TEX11: variants seen among roughly 807,000 people sequenced by gnomAD.
TEX11 encodes the protein testis-expressed protein 11.
In TEX11, 7 loss-of-function variants were observed where a neutral mutation model predicts 84.4. That is an observed-to-expected ratio of 0.08 (90% CI 0.05 to 0.16). The LOEUF (loss-of-function observed/expected upper bound fraction) is 0.16, where lower values mean the gene tolerates loss of function less well. Ranked by LOEUF, TEX11 falls within the 10% of genes least tolerant of loss-of-function variation. The pLI is 1.00. For synonymous variants in TEX11, 264 were observed against 222.8 expected, an observed-to-expected ratio of 1.18 and a Z score of -1.64; for missense variants, 551 against 660.5, an observed-to-expected ratio of 0.83 and a Z score of 1.82.
At chrX:70,839,116 C>T (rs2091424967) in intron 7 of TEX11, among the ~76,000 whole-genome samples, 1 of 112,407 alleles carries the variant, frequency 8.9e-6, no homozygotes, top group South Asian at 3.7e-4. Flanking sequence ...ACTTAAATGT[C>T]CCTCTCTGAC....
At chrX:70,839,837 T>C (rs2091431048) in intron 7 of TEX11, among the ~76,000 whole-genome samples, 1 of 111,506 alleles carries the variant, frequency 9.0e-6, no homozygotes, top group African/African-American at 3.3e-5. Context: ...AGCTACGTGA[T>C]GAACGCAGAA....
At chrX:70,800,069 CAATT>C (rs10609072) in intron 9 of TEX11, among the ~76,000 whole-genome samples, 8,392 of 110,523 alleles carry the variant, frequency 0.076, 495 homozygotes, top group Admixed American at 0.27. Context: ...GGATGTTACT[CAATT>C]AATTAATATA....
At chrX:70,844,727 C>T (rs1383610282) in intron 7 of TEX11, among the ~76,000 whole-genome samples, 1 of 111,304 alleles carries the variant, frequency 9.0e-6, no homozygotes, top group East Asian at 2.8e-4. Context: ...CGAGACCGGC[C>T]TGGCCAACAT....
At chrX:70,640,658 C>A (rs1237646140) in intron 17 of TEX11, among the ~76,000 whole-genome samples, 2 of 108,041 alleles carry the variant, frequency 1.9e-5, no homozygotes, top group Non-Finnish European at 3.8e-5. Flanking sequence ...AATTTCATAT[C>A]CAGCCAAACT....
chrX:70,552,397 G>C, intron 27 of TEX11, 151 bp from the exon 28 acceptor site: 1 of 658,997 alleles, frequency 1.5e-6, no homozygotes, highest in Middle Eastern at 4.7e-4. Flanking sequence ...AACCTCAGAA[G>C]ACAGATTTTT....
chrX:70,694,275 C>A (rs4844250), intron 13 of TEX11, among the ~76,000 whole-genome samples: 33,180 of 110,152 alleles, frequency 0.3, 3,909 homozygotes, highest in Admixed American at 0.41. Flanking sequence ...AACCTCTTGA[C>A]CTCGTGATCT....
rs1312691319 is a variant in TEX11 at position 70,538,971 on chromosome X, C to A, written c.2521-8972G>T. Among the ~76,000 whole-genome samples, 2 of 99,058 alleles carry A rather than the reference C, an allele frequency of 2.0e-5. 1 individual carries two copies. The highest frequency in any genetic ancestry group is 2.4e-4 in the Admixed American group (2 of 8,217). The allele number at this position is 99,058 out of a possible 115,157, so 86.0% of individuals were successfully genotyped here. On this transcript the variant is annotated intron_variant, in intron 28 of 29. Transcript: ENST00000374333. ...AAGGCCAAACAAGAGACAAAAGATA[C>A]TGATAAATGACCTTCTCAAACTTTA...
chrX:70,792,081 C>A (rs188715985), intron 9 of TEX11, among the ~76,000 whole-genome samples: 6,582 of 95,755 alleles, frequency 0.069, 233 homozygotes, highest in East Asian at 0.13. Flanking sequence ...GCCGAGATTG[C>A]GCCATTGCAC....
At chrX:70,640,671 G>T (rs756358650) in intron 17 of TEX11, among the ~76,000 whole-genome samples, 77 of 108,141 alleles carry the variant, frequency 7.1e-4, no homozygotes, top group Non-Finnish European at 1.3e-3. Context: ...GCCAAACTAA[G>T]CTTCATAAGT....
chrX:70,872,930 T>C (rs2091636828), intron 4 of TEX11, among the ~76,000 whole-genome samples: 1 of 111,849 alleles, frequency 8.9e-6, no homozygotes, highest in African/African-American at 3.2e-5. Flanking sequence ...CCTTTAACAT[T>C]TCTTTAAGTT....
chrX:70,624,723 T>A, intron 19 of TEX11, 116 bp downstream of exon 19: 1 of 515,733 alleles, frequency 1.9e-6, no homozygotes, highest in Admixed American at 4.3e-5. Context: ...CCTCCTCTGC[T>A]TCGCTATTTT....
the TEX11 span, among the ~76,000 whole-genome samples, chrX:70,512,904 G>C: frequency 1.8e-5 from 2 of 109,113 alleles, 1 homozygote; most frequent in Non-Finnish European, 3.8e-5. Context: ...TCTTATTCTA[G>C]CAGTTGTCCC....
At chrX:70,740,880 A>G in intron 10 of TEX11, 84 bp from the exon 11 acceptor site, 1 of 550,257 alleles carries the variant, frequency 1.8e-6, no homozygotes, top group Non-Finnish European at 2.8e-6. Context: ...CCACAGTGAC[A>G]GGCATCTTCT....
chrX:70,842,218 T>C (rs779442421), intron 7 of TEX11, among the ~76,000 whole-genome samples: 1 of 111,750 alleles, frequency 8.9e-6, no homozygotes, highest in South Asian at 3.8e-4. Context: ...TGAACATTGA[T>C]GCAAAAATCC....
intron 3 of TEX11, among the ~76,000 whole-genome samples, chrX:70,873,821 TC>T (rs1316605877): frequency 8.9e-6 from 1 of 112,388 alleles, no homozygotes; most frequent in Non-Finnish European, 1.9e-5. Context: ...ATGCCACTTT[TC>T]TCACTTACCA....
chrX:70,639,015 C>G (rs1046165939), intron 17 of TEX11, among the ~76,000 whole-genome samples: 1 of 110,263 alleles, frequency 9.1e-6, no homozygotes, highest in Non-Finnish European at 1.9e-5. Flanking sequence ...GTTCATCTGA[C>G]TAGGGAGTGC....
At position 70,881,131 on chromosome X, in the gene TEX11, C is replaced by A. The variant is rs966058795; in HGVS notation, c.38-1022G>T. Among the ~76,000 whole-genome samples the A allele has an allele frequency of 2.0e-4, 22 of 109,241 alleles. 1 individual carries two copies. Among genetic ancestry groups the A allele is most frequent in the Admixed American group, 4.0e-4 (4 of 10,081 alleles). The allele number at this position is 109,241 out of a possible 115,157, so 94.9% of individuals were successfully genotyped here. A position where few individuals can be genotyped will look rare whatever the true frequency, so the allele number is the denominator to read the frequency against. ...TCACTTCAGGCCAGGAATTCAAGACCAGCTTGCTCAGCATGGCAAAACCCC... is the reference window on the plus strand; with the variant it reads ...TCACTTCAGGCCAGGAATTCAAGACAAGCTTGCTCAGCATGGCAAAACCCC... On this transcript the variant is annotated intron_variant, in intron 2 of 29. Coordinates refer to ENST00000374333, the MANE Select transcript of TEX11 (RefSeq NM_031276.3).
chrX:70,828,349 A>G (rs1218791895), intron 8 of TEX11, among the ~76,000 whole-genome samples: 2 of 110,920 alleles, frequency 1.8e-5, no homozygotes, highest in African/African-American at 6.5e-5. Context: ...AATAACACAA[A>G]GAAGGAATTC....
intron 17 of TEX11, among the ~76,000 whole-genome samples, chrX:70,637,996 A>T (rs1459377710): frequency 9.0e-6 from 1 of 111,468 alleles, no homozygotes; most frequent in African/African-American, 3.3e-5. Flanking sequence ...GACTTATGGG[A>T]CAACAACAAA....
Sources: allele counts gnomAD v4.1 joint callset (sites outside exome capture counted in the v4.1 genomes callset), GRCh38; gene constraint gnomAD v4.1.1; transcripts MANE v1.5; gene names NCBI Gene and HGNC (gene_info 2026-07-23, HGNC 2026-07-21).